Variants in FOCAD observed in about 807,000 individuals in gnomAD.
FOCAD encodes the protein focadhesin.
FOCAD carries 198 observed loss-of-function variants against 225.6 expected under a neutral mutation model. The ratio of observed to expected loss-of-function variants is 0.88; its 90% CI spans 0.78 to 0.99. The LOEUF is 0.99. Among genes scored for constraint, FOCAD ranks in the 50% least tolerant of loss-of-function variants. The pLI is 0.00. For synonymous variants in FOCAD, 897 were observed against 755.0 expected, an observed-to-expected ratio of 1.19 and a Z score of -3.08; for missense variants, 2,713 against 2,123.6, an observed-to-expected ratio of 1.28 and a Z score of -5.46.
chr9:20,724,520 T>C (rs1186576448), intron 4 of FOCAD, among the ~76,000 whole-genome samples: 5 of 152,188 alleles, frequency 3.3e-5, no homozygotes, highest in Admixed American at 2.6e-4. Context: ...CAGGGAGATA[T>C]AGACAGAATA....
At chr9:20,748,957 A>G (rs1828303545) in intron 5 of FOCAD, among the ~76,000 whole-genome samples, 1 of 152,122 alleles carries the variant, frequency 6.6e-6, no homozygotes, top group South Asian at 2.1e-4. Context: ...TTGCTGCTAA[A>G]TGTCTTTAAG....
intron 4 of FOCAD, among the ~76,000 whole-genome samples, chr9:20,724,739 A>G (rs1826057751): frequency 6.6e-6 from 1 of 152,130 alleles, no homozygotes; most frequent in South Asian, 2.1e-4. Context: ...GTTTACAAAA[A>G]AAAAACCCCA....
chr9:20,966,091 C>G (rs1839231163), intron 35 of FOCAD, among the ~76,000 whole-genome samples: 1 of 152,060 alleles, frequency 6.6e-6, no homozygotes, highest in Non-Finnish European at 1.5e-5. Context: ...TTCTGCTTAA[C>G]TTTTTGAGGA....
chr9:20,745,688 C>T (rs755230262), intron 5 of FOCAD, among the ~76,000 whole-genome samples: 2 of 152,050 alleles, frequency 1.3e-5, no homozygotes, highest in Non-Finnish European at 2.9e-5. Flanking sequence ...TTCCAGAATT[C>T]GTGTATTTTT....
intron 28 of FOCAD, among the ~76,000 whole-genome samples, chr9:20,937,574 T>G (rs1234168767): frequency 2.0e-5 from 3 of 150,796 alleles, no homozygotes; most frequent in Non-Finnish European, 3.0e-5. Context: ...ATACAAAAAT[T>G]AATTCAAGAT....
chr9:20,668,433 A>G (rs753164139), intron 2 of FOCAD, among the ~76,000 whole-genome samples: 1 of 152,246 alleles, frequency 6.6e-6, no homozygotes, highest in Non-Finnish European at 1.5e-5. Context: ...ATACTGTGCA[A>G]TAAAATACTC....
chr9:20,852,666 C>T (rs560342575), intron 15 of FOCAD, among the ~76,000 whole-genome samples: 24 of 151,894 alleles, frequency 1.6e-4, no homozygotes, highest in African/African-American at 5.8e-4. Context: ...CTTAGTGTTT[C>T]TGAATTGACT....
intron 8 of FOCAD, among the ~76,000 whole-genome samples, chr9:20,770,492 T>G (rs1437781592): frequency 6.6e-6 from 1 of 152,150 alleles, no homozygotes; most frequent in Non-Finnish European, 1.5e-5. Flanking sequence ...ACTACACGCT[T>G]TTAAACAACC....
chr9:20,719,624 A>T (rs1825615839), intron 3 of FOCAD, among the ~76,000 whole-genome samples: 1 of 152,066 alleles, frequency 6.6e-6, no homozygotes, highest in Non-Finnish European at 1.5e-5. Context: ...AGAAAGTTAT[A>T]AAAGCTAGAA....
chr9:20,816,668 A>G (rs1280874460), intron 11 of FOCAD, among the ~76,000 whole-genome samples: 1 of 152,172 alleles, frequency 6.6e-6, no homozygotes, highest in African/African-American at 2.4e-5. Flanking sequence ...TTCGAAGGTT[A>G]GAAGGAACAG....
intron 28 of FOCAD, among the ~76,000 whole-genome samples, chr9:20,941,526 A>G (rs544262770): frequency 6.6e-6 from 1 of 152,226 alleles, no homozygotes; most frequent in Non-Finnish European, 1.5e-5. Context: ...GATTAATTTT[A>G]AAAAATATAT....
At chr9:20,817,211 A>C (rs1427627946) in intron 11 of FOCAD, among the ~76,000 whole-genome samples, 2 of 152,194 alleles carry the variant, frequency 1.3e-5, no homozygotes, top group African/African-American at 4.8e-5. Flanking sequence ...TTAAAATATA[A>C]TTTACATCTC....
chr9:20,766,752 C>G (rs1830084270), intron 7 of FOCAD, among the ~76,000 whole-genome samples: 1 of 151,552 alleles, frequency 6.6e-6, no homozygotes, highest in South Asian at 2.1e-4. Flanking sequence ...CAGGAATTTT[C>G]TAGTTTATTG....
In FOCAD at chr9:20,946,769, G is replaced by A; in HGVS notation, c.3624G>A (p.Glu1208=). 6.2e-7 allele frequency: 1 copy of A among 1,613,866 alleles called. No individual in the cohort carries two copies. The highest frequency in any genetic ancestry group is 1.1e-5 in the South Asian group (1 of 91,074). Residue 1208 remains glutamate, a synonymous_variant, in exon 30 of 44, where the codon GAG becomes GAA. Transcript: ENST00000338382. The part of the protein sequence containing the change: ...AFSAGIIEAT[E]AEDVMNKLRL... ...GTGCTGGAATTATTGAGGCTACAGA[G>A]GCTGAGGATGTTATGAACAAGCTTC...
At chr9:20,738,568 G>A (rs1334472528) in intron 4 of FOCAD, among the ~76,000 whole-genome samples, 1 of 152,200 alleles carries the variant, frequency 6.6e-6, no homozygotes, top group Non-Finnish European at 1.5e-5. Flanking sequence ...TGTGACATAT[G>A]TCATGAAAGA....
intron 11 of FOCAD, among the ~76,000 whole-genome samples, chr9:20,811,831 T>G (rs1267795015): frequency 1.3e-5 from 2 of 152,068 alleles, no homozygotes; most frequent in African/African-American, 4.8e-5. Context: ...CATGTCATTT[T>G]TTGTAGAATG....
intron 4 of FOCAD, among the ~76,000 whole-genome samples, chr9:20,721,320 C>T (rs1825750614): frequency 6.6e-6 from 1 of 152,182 alleles, no homozygotes; most frequent in African/African-American, 2.4e-5. Flanking sequence ...CAGTGTTTTT[C>T]ACTCACCTTT....
At chr9:20,909,773 C>T (rs1296370588) in intron 22 of FOCAD, among the ~76,000 whole-genome samples, 1 of 151,988 alleles carries the variant, frequency 6.6e-6, no homozygotes, top group Non-Finnish European at 1.5e-5. Flanking sequence ...TTAAATGAGT[C>T]CACACGCTTA....
Position 20,993,431 on chromosome 9 carries a change from C to T in FOCAD, c.5332+103C>T, listed in dbSNP as rs1319325800. ...GGTTGCAGGTTGAGTATCTCTTACC[C>T]GAAATGCTTGGGACCAGAGGTGTTT... On this transcript the variant is annotated intron_variant, in intron 43 of 43. Coordinates refer to ENST00000338382, the MANE Select transcript of FOCAD (RefSeq NM_001375567.1). The T allele has an allele frequency of 5.1e-5, 49 of 956,204 alleles. 1 individual carries two copies. In the South Asian group the frequency reaches 5.6e-4, roughly 11 times the overall value. 59.2% of individuals were successfully genotyped at this position (956,204 alleles called of 1,614,324 possible). A position where few individuals can be genotyped will look rare whatever the true frequency, so the allele number is the denominator to read the frequency against.
Sources: allele counts gnomAD v4.1 joint callset (sites outside exome capture counted in the v4.1 genomes callset), GRCh38; gene constraint gnomAD v4.1.1; transcripts MANE v1.5; gene names NCBI Gene and HGNC (gene_info 2026-07-23, HGNC 2026-07-21).